ZBBX: variants seen among roughly 807,000 people sequenced by gnomAD.
ZBBX encodes zinc finger B-box domain-containing protein 1.
A neutral mutation model predicts 108.5 loss-of-function variants in ZBBX; 101 were observed. The ratio of observed to expected loss-of-function variants is 0.93; its 90% CI spans 0.79 to 1.10. The LOEUF (loss-of-function observed/expected upper bound fraction) is 1.10, where lower values mean the gene tolerates loss of function less well. ZBBX is among the 50% of genes least tolerant of loss of function. ZBBX has a pLI of 0.00. For synonymous variants in ZBBX, 356 were observed against 323.4 expected, an observed-to-expected ratio of 1.10 and a Z score of -1.08; for missense variants, 1,009 against 941.4, an observed-to-expected ratio of 1.07 and a Z score of -0.94.
chr3:167,373,110 T>C (rs906399122), intron 3 of ZBBX, 160 bp from the exon 4 acceptor site: 1 of 442,352 alleles, frequency 2.3e-6, no homozygotes, highest in African/African-American at 2.0e-5. Context: ...TAGCCCTTTG[T>C]CCCCTTCAGC....
intron 17 of ZBBX, among the ~76,000 whole-genome samples, chr3:167,302,458 T>A (rs13100152): frequency 1.3e-5 from 2 of 152,134 alleles, no homozygotes; most frequent in East Asian, 1.9e-4. Context: ...AATTTTTTTT[T>A]AAATTAGTGC....
chr3:167,382,768 A>G (rs1243524005), upstream of ZBBX, among the ~76,000 whole-genome samples: 2 of 152,142 alleles, frequency 1.3e-5, no homozygotes, highest in Non-Finnish European at 2.9e-5. Flanking sequence ...ATCATTAACT[A>G]TTGATAAAGT....
intron 1 of ZBBX, among the ~76,000 whole-genome samples, chr3:167,405,054 G>C: frequency 6.6e-6 from 1 of 152,302 alleles, no homozygotes. Context: ...GTTCTTGCTA[G>C]GAGACTGCAT....
intron 18 of ZBBX, among the ~76,000 whole-genome samples, chr3:167,297,222 G>T (rs1731836226): frequency 6.6e-6 from 1 of 151,934 alleles, no homozygotes; most frequent in South Asian, 2.1e-4. Context: ...TGTGTGTGGT[G>T]AGAACACTTA....
At chr3:167,211,040 G>C in the ZBBX span, among the ~76,000 whole-genome samples, 1 of 152,110 alleles carries the variant, frequency 6.6e-6, no homozygotes, top group South Asian at 2.1e-4. Flanking sequence ...GAACAGAAGG[G>C]GTGAGTAAAT....
chr3:167,255,862 T>C (rs558133953), intron 20 of ZBBX, among the ~76,000 whole-genome samples: 49 of 152,204 alleles, frequency 3.2e-4, no homozygotes, highest in Admixed American at 1.5e-3. Context: ...TAATTGACTA[T>C]AGTCTCTGGG....
chr3:167,304,340 C>T (rs1250495599), intron 17 of ZBBX, among the ~76,000 whole-genome samples: 1 of 152,120 alleles, frequency 6.6e-6, no homozygotes, highest in African/African-American at 2.4e-5. Flanking sequence ...ATAGATGTCA[C>T]CTGGTACTCT....
intron 11 of ZBBX, among the ~76,000 whole-genome samples, chr3:167,323,238 A>AGG (rs34327421): frequency 0.059 from 1,772 of 30,220 alleles, 38 homozygotes; most frequent in Non-Finnish European, 0.071. Context: ...GAGCTAAAAG[A>AGG]GGGGGGGGGG....
chr3:167,267,875 A>T (rs994600064), intron 20 of ZBBX, among the ~76,000 whole-genome samples: 3 of 145,490 alleles, frequency 2.1e-5, no homozygotes, highest in African/African-American at 7.8e-5. Flanking sequence ...TCCCCCACTC[A>T]TTGCCCCCAA....
intron 20 of ZBBX, among the ~76,000 whole-genome samples, chr3:167,258,404 C>T (rs1310805732): frequency 6.6e-6 from 1 of 151,996 alleles, no homozygotes; most frequent in African/African-American, 2.4e-5. Flanking sequence ...TTTTATTCTC[C>T]AACATGTGGC....
intron 10 of ZBBX, among the ~76,000 whole-genome samples, chr3:167,329,340 T>A (rs1447011842): frequency 6.6e-6 from 1 of 152,198 alleles, no homozygotes; most frequent in Non-Finnish European, 1.5e-5. Flanking sequence ...AGTATAAATC[T>A]CTATGTTCAG....
At chr3:167,246,528 C>T (rs1721598458) in intron 20 of ZBBX, among the ~76,000 whole-genome samples, 1 of 152,160 alleles carries the variant, frequency 6.6e-6, no homozygotes, top group Non-Finnish European at 1.5e-5. Context: ...AAAGTGCTTT[C>T]ATCTCTTTTA....
At chr3:167,348,352 G>T (rs909032426) in intron 9 of ZBBX, among the ~76,000 whole-genome samples, 9 of 103,818 alleles carry the variant, frequency 8.7e-5, no homozygotes, top group African/African-American at 3.5e-4. Flanking sequence ...AAGAAAGAAA[G>T]AAAGAAAGAA....
chr3:167,393,098 C>A lies in ZBBX; in HGVS notation c.-445-12693G>T, dbSNP rs185434176. On this transcript the variant is annotated intron_variant, in intron 1 of 21. Coordinates refer to the ZBBX transcript ENST00000455345. ...TTAGCTAGCCTAAAACAAAACAAAA[C>A]CCCCTTTTGCCCCTCTTTCCCTGGA... is the stretch of plus-strand genomic sequence containing the variant. 1.0e-3 allele frequency among the ~76,000 whole-genome samples: 154 copies of A among 151,724 alleles called. 1 individual carries two copies. Among genetic ancestry groups the A allele is most frequent in the African/African-American group, 3.7e-3 (152 of 41,442 alleles).
chr3:167,402,235 C>T (rs1254681158), intron 1 of ZBBX, among the ~76,000 whole-genome samples: 1 of 152,156 alleles, frequency 6.6e-6, no homozygotes, highest in Admixed American at 6.6e-5. Flanking sequence ...CAATCTGCTG[C>T]ATCTCCCATA....
chr3:167,289,530 A>T (rs574731643), intron 18 of ZBBX, among the ~76,000 whole-genome samples: 1 of 152,326 alleles, frequency 6.6e-6, no homozygotes, highest in Admixed American at 6.5e-5. Context: ...TCTCCTAGCC[A>T]AGGGAAGCCA....
intron 1 of ZBBX, among the ~76,000 whole-genome samples, chr3:167,395,468 A>G (rs1748206057): frequency 6.6e-6 from 1 of 150,850 alleles, no homozygotes; most frequent in Admixed American, 6.6e-5. Flanking sequence ...TTATAGAGTA[A>G]ATAATTCTGA....
At chr3:167,356,601 T>C (rs959817440) in intron 8 of ZBBX, among the ~76,000 whole-genome samples, 1 of 152,122 alleles carries the variant, frequency 6.6e-6, no homozygotes, top group Non-Finnish European at 1.5e-5. Context: ...CCTTCAATGA[T>C]AACTGAAAGG....
chr3:167,352,056 T>C (rs1318274025), intron 8 of ZBBX, among the ~76,000 whole-genome samples: 1 of 147,316 alleles, frequency 6.8e-6, no homozygotes, highest in Non-Finnish European at 1.5e-5. Flanking sequence ...CAAATGCCTA[T>C]ATCAAAAAGA....
Sources: allele counts gnomAD v4.1 joint callset (sites outside exome capture counted in the v4.1 genomes callset), GRCh38; gene constraint gnomAD v4.1.1; transcripts MANE v1.5; gene names NCBI Gene and HGNC (gene_info 2026-07-23, HGNC 2026-07-21).